Variants in KCNMA1 observed in about 807,000 individuals in gnomAD.
KCNMA1 encodes Calcium-activated potassium channel subunit alpha-1.
Under a neutral mutation model 140.0 loss-of-function variants are expected in KCNMA1, and 29 were observed. The ratio of observed to expected loss-of-function variants is 0.21; its 90% CI spans 0.15 to 0.28. The LOEUF is 0.28. Ranked by LOEUF, KCNMA1 falls within the 10% of genes least tolerant of loss-of-function variation. The pLI is 1.00. For synonymous variants in KCNMA1, 612 were observed against 611.9 expected (o/e 1.00, Z 0.00); for missense variants, 880 against 1,602.2 (o/e 0.55, Z 7.70).
At chr10:77,133,784 A>G (rs538620691) in intron 5 of KCNMA1, among the ~76,000 whole-genome samples, 47 of 152,320 alleles carry the variant, frequency 3.1e-4, no homozygotes, top group African/African-American at 1.1e-3. Flanking sequence ...ATATATTAGT[A>G]AACTAGGAAC....
At chr10:76,920,742 C>A (rs1327844754) in intron 23 of KCNMA1, among the ~76,000 whole-genome samples, 1 of 152,230 alleles carries the variant, frequency 6.6e-6, no homozygotes, top group Non-Finnish European at 1.5e-5. Flanking sequence ...CTCCTGACAC[C>A]TGCAGGCTGT....
chr10:77,300,149 C>T (rs1273021111), intron 2 of KCNMA1, among the ~76,000 whole-genome samples: 4 of 152,234 alleles, frequency 2.6e-5, no homozygotes, highest in Non-Finnish European at 5.9e-5. Flanking sequence ...GCATGAGAGC[C>T]AGTGGACAGG....
chr10:77,531,267 T>C (rs1168120607), intron 1 of KCNMA1, among the ~76,000 whole-genome samples: 1 of 152,174 alleles, frequency 6.6e-6, no homozygotes. Flanking sequence ...CCAATGACCT[T>C]TATCACCTAT....
intron 14 of KCNMA1, among the ~76,000 whole-genome samples, chr10:77,057,636 G>T (rs953230295): frequency 1.3e-5 from 2 of 151,894 alleles, no homozygotes; most frequent in African/African-American, 2.4e-5. Flanking sequence ...GTTTGGTAAG[G>T]GTTCTACATT....
chr10:77,266,265 C>T lies in KCNMA1; in HGVS notation c.541-15009G>A, dbSNP rs11002103. Reference sequence around the variant, plus strand: ...CCTTTATCATTAGAAAGAAACAGTGCTAAAAAAGAAGAATGTCCACATGAC... The same window carrying T: ...CCTTTATCATTAGAAAGAAACAGTGTTAAAAAAGAAGAATGTCCACATGAC... On this transcript the variant is annotated intron_variant, in intron 2 of 27. Transcript: ENST00000286628. Among the ~76,000 whole-genome samples the T allele has an allele frequency of 2.9e-4, 44 of 152,140 alleles. No individual in the cohort carries two copies. In the East Asian group the frequency reaches 6.6e-3, roughly 23 times the overall value.
chr10:77,323,470 G>C (rs1028696079), intron 2 of KCNMA1, among the ~76,000 whole-genome samples: 1 of 152,116 alleles, frequency 6.6e-6, no homozygotes, highest in East Asian at 1.9e-4. Context: ...GCCAGCTTGG[G>C]AACCCAGTTG....
At chr10:77,499,608 A>G (rs2043161963) in intron 1 of KCNMA1, among the ~76,000 whole-genome samples, 1 of 152,214 alleles carries the variant, frequency 6.6e-6, no homozygotes, top group Admixed American at 6.5e-5. Flanking sequence ...AGCAGGGCCA[A>G]GTTGTCATTC....
chr10:77,506,634 A>T (rs1262387598), intron 1 of KCNMA1, among the ~76,000 whole-genome samples: 12 of 138,802 alleles, frequency 8.6e-5, no homozygotes, highest in African/African-American at 3.2e-4. Flanking sequence ...AGAGGGAGAG[A>T]GACAGAGAGG....
intron 1 of KCNMA1, among the ~76,000 whole-genome samples, chr10:77,451,208 C>G (rs1315193358): frequency 1.3e-5 from 2 of 152,148 alleles, no homozygotes; most frequent in African/African-American, 2.4e-5. Context: ...GCCCTGGACC[C>G]CTGAGATACA....
chr10:77,624,137 A>G (rs947783289), intron 1 of KCNMA1, among the ~76,000 whole-genome samples: 3 of 152,226 alleles, frequency 2.0e-5, no homozygotes, highest in African/African-American at 7.2e-5. Flanking sequence ...CAGGGCTGAG[A>G]TGAACGTTCT....
rs766240356 is a variant in KCNMA1 at position 77,324,971 on chromosome 10, C to CTCTCTCTCTGTGTGTGTGTG, written c.541-73716_541-73715insCACACACACACAGAGAGAGA. On this transcript the variant is annotated intron_variant, in intron 2 of 27. Transcript: ENST00000286628. ...TCTCTCTCTCTCTCTCTCTCTCTCTCTGTGTGTGTGTGTGTGTGTGTGTGT... is the reference window on the plus strand; with the variant it reads ...TCTCTCTCTCTCTCTCTCTCTCTCTCTCTCTCTCTGTGTGTGTGTGTGTGTGTGTGTGTGTGTGTGTGTGT... Among the ~76,000 whole-genome samples the CTCTCTCTCTGTGTGTGTGTG allele has an allele frequency of 7.1e-4, 64 of 90,362 alleles. 1 individual carries two copies. The highest frequency in any genetic ancestry group is 1.2e-3 in the Non-Finnish European group (55 of 46,690). 59.3% of individuals were successfully genotyped at this position (90,362 alleles called of 152,430 possible).
chr10:77,129,381 A>G (rs1339531621), intron 5 of KCNMA1, among the ~76,000 whole-genome samples: 1 of 152,098 alleles, frequency 6.6e-6, no homozygotes, highest in African/African-American at 2.4e-5. Flanking sequence ...GGATGTATTT[A>G]TTTATTTTGG....
downstream of KCNMA1, chr10:76,884,090 A>C: frequency 1.1e-3 from 561 of 499,656 alleles, no homozygotes; most frequent in South Asian, 1.4e-3. Context: ...ATATCATCTC[A>C]TTGGAGTTGC....
intron 1 of KCNMA1, among the ~76,000 whole-genome samples, chr10:77,475,402 A>T (rs1280297422): frequency 1.3e-5 from 2 of 152,136 alleles, no homozygotes; most frequent in Non-Finnish European, 2.9e-5. Flanking sequence ...ATGCTTTAGG[A>T]TTGTGGTTTC....
chr10:77,365,972 A>C (rs2094325423), intron 2 of KCNMA1, among the ~76,000 whole-genome samples: 1 of 152,194 alleles, frequency 6.6e-6, no homozygotes, highest in East Asian at 1.9e-4. Context: ...ATCCAAAGAC[A>C]ATAATATATA....
intron 2 of KCNMA1, among the ~76,000 whole-genome samples, chr10:77,264,598 T>C (rs1354965146): frequency 1.2e-4 from 19 of 152,118 alleles, no homozygotes; most frequent in Non-Finnish European, 2.9e-5. Context: ...AGATCTTTCA[T>C]TGCACAGTTT....
intron 16 of KCNMA1, chr10:77,025,523 G>T: frequency 7.9e-7 from 1 of 1,265,614 alleles, no homozygotes; most frequent in Non-Finnish European, 1.1e-6. Flanking sequence ...GACACCAGAA[G>T]GAAAGAAGGA....
At chr10:77,614,273 T>C (rs1364589477) in intron 1 of KCNMA1, among the ~76,000 whole-genome samples, 1 of 152,190 alleles carries the variant, frequency 6.6e-6, no homozygotes, top group Non-Finnish European at 1.5e-5. Context: ...TCGCCCACCA[T>C]CTACCAAATG....
intron 2 of KCNMA1, chr10:77,315,656 G>A (rs553424121): frequency 2.6e-5 from 4 of 152,270 alleles, no homozygotes; most frequent in African/African-American, 9.6e-5. Flanking sequence ...CATATGACAT[G>A]GTTCATTAAA....
Sources: gnomAD v4.1 joint callset for allele counts (sites outside exome capture counted in the v4.1 genomes callset) on GRCh38, gnomAD v4.1.1 for gene constraint, MANE v1.5 for transcripts, NCBI Gene and HGNC (gene_info 2026-07-23, HGNC 2026-07-21) for gene names.